The following RBFOX1 variants were observed in gnomAD, a reference collection of about 807,000 sequenced individuals.
The protein encoded by RBFOX1 is RNA binding protein fox-1 homolog 1.
A neutral mutation model predicts 57.7 loss-of-function variants in RBFOX1; 8 were observed. The observed-to-expected ratio is 0.14, with a 90% CI of 0.08 to 0.25. RBFOX1 has a LOEUF of 0.25. Among genes scored for constraint, RBFOX1 ranks in the 10% least tolerant of loss-of-function variants. The pLI, the probability that RBFOX1 is intolerant of heterozygous loss-of-function variation, is 1.00. For missense variants in RBFOX1, 611 were observed against 548.5 expected, an observed-to-expected ratio of 1.11 and a Z score of -1.14; for synonymous variants, 326 against 222.4, an observed-to-expected ratio of 1.47 and a Z score of -4.15.
chr16:5,952,634 C>T (rs2059544358), intron 4 of RBFOX1, among the ~76,000 whole-genome samples: 1 of 152,164 alleles, frequency 6.6e-6, no homozygotes, highest in African/African-American at 2.4e-5. Context: ...TATTCTTCAT[C>T]TGTATCGATA....
At position 7,612,023 on chromosome 16, in the gene RBFOX1, A is replaced by T. The variant is rs535914649; in HGVS notation, c.676+4685A>T. 2.2e-3 allele frequency among the ~76,000 whole-genome samples: 335 copies of T among 152,232 alleles called. 1 individual carries two copies. Among genetic ancestry groups the T allele is most frequent in the African/African-American group, 7.8e-3 (323 of 41,546 alleles). On this transcript the variant is annotated intron_variant, in intron 10 of 15. Coordinates refer to ENST00000550418, the MANE Select transcript of RBFOX1 (RefSeq NM_018723.4). Reference sequence around the variant, plus strand: ...ATCATCTCCAGAGTCCTTGAGGCTTATTCAAGACAAATGATTTGCCGGGCG... The same window carrying T: ...ATCATCTCCAGAGTCCTTGAGGCTTTTTCAAGACAAATGATTTGCCGGGCG...
At chr16:5,600,982 G>T (rs557464501), downstream of RBFOX1, among the ~76,000 whole-genome samples, 1 of 152,118 alleles carries the variant, frequency 6.6e-6, no homozygotes, top group Non-Finnish European at 1.5e-5. Context: ...CTTACCCTCT[G>T]ACCCACCTGC....
intron 4 of RBFOX1, among the ~76,000 whole-genome samples, chr16:5,967,994 C>T (rs1421177131): frequency 6.6e-6 from 1 of 152,140 alleles, no homozygotes; most frequent in Non-Finnish European, 1.5e-5. Context: ...TTTATAAACC[C>T]TCAGTCTTAG....
intron 11 of RBFOX1, among the ~76,000 whole-genome samples, chr16:7,632,848 G>C (rs1206124467): frequency 6.6e-6 from 1 of 152,152 alleles, no homozygotes; most frequent in East Asian, 1.9e-4. Flanking sequence ...GGCTCTATAT[G>C]ATGATATGAC....
At chr16:6,231,671 C>T (rs1334074944) in intron 1 of RBFOX1, among the ~76,000 whole-genome samples, 1 of 152,156 alleles carries the variant, frequency 6.6e-6, no homozygotes, top group Non-Finnish European at 1.5e-5. Context: ...CACTGTGAGC[C>T]AGAATTCTGT....
At chr16:7,322,238 C>G (rs1470086676) in intron 4 of RBFOX1, among the ~76,000 whole-genome samples, 1 of 152,234 alleles carries the variant, frequency 6.6e-6, no homozygotes, top group African/African-American at 2.4e-5. Context: ...GTGTTTTGCA[C>G]TTCTTAAGCA....
intron 4 of RBFOX1, among the ~76,000 whole-genome samples, chr16:5,994,431 G>A (rs530207080): frequency 3.9e-5 from 6 of 152,280 alleles, no homozygotes; most frequent in Non-Finnish European, 7.4e-5. Context: ...CAAAGTGCTG[G>A]GATTACAAGC....
chr16:6,659,616 C>T (rs1459639847), intron 3 of RBFOX1, among the ~76,000 whole-genome samples: 1 of 152,152 alleles, frequency 6.6e-6, no homozygotes, highest in Admixed American at 6.5e-5. Context: ...GATTTAAGCT[C>T]AGAGATTCTT....
chr16:5,330,131 G>A (rs2064708541), intron 1 of RBFOX1, among the ~76,000 whole-genome samples: 1 of 152,026 alleles, frequency 6.6e-6, no homozygotes, highest in Non-Finnish European at 1.5e-5. Flanking sequence ...ATTTCCTAGG[G>A]GCCACACCTC....
At chr16:7,075,324 G>A (rs1203239459) in intron 4 of RBFOX1, among the ~76,000 whole-genome samples, 1 of 152,230 alleles carries the variant, frequency 6.6e-6, no homozygotes, top group Non-Finnish European at 1.5e-5. Flanking sequence ...AGAGCACTGA[G>A]AGGTTGCCCA....
chr16:7,459,196 G>C (rs1318704467), intron 4 of RBFOX1, among the ~76,000 whole-genome samples: 1 of 152,136 alleles, frequency 6.6e-6, no homozygotes, highest in African/African-American at 2.4e-5. Flanking sequence ...ATGGGCAAAA[G>C]AAAGAATTTG....
intron 2 of RBFOX1, among the ~76,000 whole-genome samples, chr16:6,355,028 C>G (rs1219809733): frequency 6.6e-6 from 1 of 152,182 alleles, no homozygotes; most frequent in Non-Finnish European, 1.5e-5. Flanking sequence ...AGGAGCCTGA[C>G]TTCCCAGTAG....
chr16:6,391,259 C>T (rs891388967), intron 2 of RBFOX1, among the ~76,000 whole-genome samples: 1 of 152,088 alleles, frequency 6.6e-6, no homozygotes, highest in Non-Finnish European at 1.5e-5. Context: ...CCTGTAATCC[C>T]AGCACTTTGG....
intron 2 of RBFOX1, among the ~76,000 whole-genome samples, chr16:5,495,866 C>T (rs922470305): frequency 6.6e-6 from 1 of 152,250 alleles, no homozygotes; most frequent in Non-Finnish European, 1.5e-5. Flanking sequence ...TGGCTCACGC[C>T]TGTAATCCCG....
intron 4 of RBFOX1, among the ~76,000 whole-genome samples, chr16:7,370,021 T>A (rs919298723): frequency 3.3e-5 from 5 of 152,220 alleles, no homozygotes; most frequent in African/African-American, 1.2e-4. Flanking sequence ...TTAATTACTC[T>A]AAGTCAGCTT....
chr16:6,783,965 C>G (rs889051015), intron 3 of RBFOX1, among the ~76,000 whole-genome samples: 3 of 152,090 alleles, frequency 2.0e-5, no homozygotes, highest in Admixed American at 6.6e-5. Context: ...TGTCATCCCA[C>G]TCCCTCATGG....
intron 3 of RBFOX1, among the ~76,000 whole-genome samples, chr16:6,724,467 C>G (rs1048029694): frequency 6.6e-6 from 1 of 152,106 alleles, no homozygotes; most frequent in African/African-American, 2.4e-5. Flanking sequence ...CTCGTCCTCC[C>G]AAAGTGCTGG....
chr16:5,639,793 TC>T (rs2048801816), intron 3 of RBFOX1, among the ~76,000 whole-genome samples: 1 of 152,176 alleles, frequency 6.6e-6, no homozygotes, highest in African/African-American at 2.4e-5. Context: ...TGGTTTCCAG[TC>T]CCCTGGGCTG....
At chr16:7,121,237 C>T (rs753917054) in intron 4 of RBFOX1, among the ~76,000 whole-genome samples, 26 of 151,922 alleles carry the variant, frequency 1.7e-4, no homozygotes, top group Non-Finnish European at 3.1e-4. Flanking sequence ...CAAACTTATG[C>T]CACATAGTAC....
Sources: allele counts gnomAD v4.1 joint callset (sites outside exome capture counted in the v4.1 genomes callset), GRCh38; gene constraint gnomAD v4.1.1; transcripts MANE v1.5; gene names NCBI Gene and HGNC (gene_info 2026-07-23, HGNC 2026-07-21).